Variants in EFCAB6 observed in about 807,000 individuals in gnomAD.
EFCAB6 encodes EF-hand calcium-binding domain-containing protein 6.
Under a neutral mutation model 169.8 loss-of-function variants are expected in EFCAB6, and 156 were observed. That is an observed-to-expected ratio of 0.92 (90% CI 0.81 to 1.05). The LOEUF (loss-of-function observed/expected upper bound fraction) is 1.05. Ranked by LOEUF, EFCAB6 falls within the 50% of genes least tolerant of loss-of-function variation. The pLI is 0.00. For synonymous variants in EFCAB6, 698 were observed against 676.4 expected (o/e 1.03, Z -0.50); for missense variants, 1,800 against 1,829.1 (o/e 0.98, Z 0.29).
intron 10 of EFCAB6, among the ~76,000 whole-genome samples, chr22:43,695,430 T>A (rs988194645): frequency 6.6e-6 from 1 of 152,086 alleles, no homozygotes; most frequent in South Asian, 2.1e-4. Flanking sequence ...TACTTTTTAA[T>A]GTATTTATAA....
At chr22:43,774,291 G>A (rs2061568280) in intron 3 of EFCAB6, among the ~76,000 whole-genome samples, 1 of 151,066 alleles carries the variant, frequency 6.6e-6, no homozygotes, top group African/African-American at 2.4e-5. Context: ...GGCAGGCTAG[G>A]ATTTCCTCAG....
chr22:43,791,036 CCA>C (rs2062267305), intron 2 of EFCAB6, among the ~76,000 whole-genome samples: 1 of 152,092 alleles, frequency 6.6e-6, no homozygotes, highest in African/African-American at 2.4e-5. Flanking sequence ...TGTTGGGTAT[CCA>C]AGTAGATATA....
intron 20 of EFCAB6, among the ~76,000 whole-genome samples, chr22:43,626,018 T>G (rs1299601891): frequency 6.6e-6 from 1 of 152,228 alleles, no homozygotes; most frequent in Non-Finnish European, 1.5e-5. Context: ...TGAACCCAGA[T>G]TAATACATAG....
intron 13 of EFCAB6, 23 bp downstream of exon 13, chr22:43,677,973 C>G: frequency 6.3e-7 from 1 of 1,592,804 alleles, no homozygotes; most frequent in East Asian, 2.2e-5. Context: ...GAAAACCAAA[C>G]AGGAAGTTGT....
chr22:43,768,031 A>C (rs1603350083), intron 4 of EFCAB6, among the ~76,000 whole-genome samples: 1 of 152,246 alleles, frequency 6.6e-6, no homozygotes, highest in Admixed American at 6.5e-5. Context: ...TGTGATAAGT[A>C]TCTTGCAAGA....
chr22:43,716,881 G>A lies in EFCAB6; in HGVS notation c.849C>T (p.Ser283=), dbSNP rs2059349571. ...ASSEDIWRNY[S]LDEIERNFCL... is the part of the protein sequence containing the mutation. Reference sequence around the variant, plus strand: ...AAAAGTTCCTCTCAATTTCATCCAAGGAGTAGTTTCTCCAGATATCTTCAG... The same window carrying A: ...AAAAGTTCCTCTCAATTTCATCCAAAGAGTAGTTTCTCCAGATATCTTCAG... The change falls in exon 9 of 32, where the codon TCC becomes TCT. Residue 283 remains serine (S), a synonymous_variant. Coordinates refer to ENST00000262726, the MANE Select transcript of EFCAB6 (RefSeq NM_022785.4). 2 of 1,603,502 alleles carry A rather than the reference G, an allele frequency of 1.2e-6. No individual in the cohort carries two copies. Among genetic ancestry groups the A allele is most frequent in the East Asian group, 2.2e-5 (1 of 44,468 alleles).
chr22:43,538,855 A>C (rs540579244), intron 28 of EFCAB6, among the ~76,000 whole-genome samples: 1 of 152,236 alleles, frequency 6.6e-6, no homozygotes, highest in African/African-American at 2.4e-5. Context: ...GCTTAAAACA[A>C]CACCAACTTA....
intron 25 of EFCAB6, 40 bp from the exon 26 acceptor site, chr22:43,576,528 C>G: frequency 6.8e-7 from 1 of 1,477,188 alleles, no homozygotes; most frequent in Non-Finnish European, 9.0e-7. Flanking sequence ...CAAATCCTGT[C>G]AAATGAATAC....
chr22:43,788,797 A>G (rs1375555880), intron 2 of EFCAB6, among the ~76,000 whole-genome samples: 3 of 152,260 alleles, frequency 2.0e-5, no homozygotes, highest in African/African-American at 7.2e-5. Context: ...TCATAGCAGC[A>G]TTATTCACAA....
At chr22:43,681,837 C>A (rs1174771408) in intron 12 of EFCAB6, among the ~76,000 whole-genome samples, 1 of 152,142 alleles carries the variant, frequency 6.6e-6, no homozygotes, top group Non-Finnish European at 1.5e-5. Flanking sequence ...AGGCAGGATG[C>A]AAATTCCTTC....
At chr22:43,726,378 C>T (rs2059739786) in intron 8 of EFCAB6, among the ~76,000 whole-genome samples, 1 of 150,112 alleles carries the variant, frequency 6.7e-6, no homozygotes, top group African/African-American at 2.4e-5. Flanking sequence ...TGGATTAGCT[C>T]ATACAACCCT....
Position 43,548,773 on chromosome 22 carries a change from T to C in EFCAB6, c.3648+6096A>G, listed in dbSNP as rs147557368. The stretch of plus-strand genomic sequence containing the variant: ...AAGAGACAAAAAGGACAACGAGTTT[T>C]TGAAGGGCATAAATAACAAGCTTTT... On this transcript the variant is annotated intron_variant, in intron 27 of 31. Coordinates refer to ENST00000262726, the MANE Select transcript of EFCAB6 (RefSeq NM_022785.4). Among the ~76,000 whole-genome samples the C allele has an allele frequency of 5.0e-3, 761 of 152,204 alleles. 1 individual carries two copies. Among genetic ancestry groups the C allele is most frequent in the African/African-American group, 0.018 (739 of 41,530 alleles).
At chr22:43,725,716 A>G (rs1569445413) in intron 8 of EFCAB6, among the ~76,000 whole-genome samples, 6 of 152,196 alleles carry the variant, frequency 3.9e-5, no homozygotes, top group Admixed American at 3.3e-4. Context: ...GGTGTCAGCA[A>G]TTCAGCCTTT....
intron 27 of EFCAB6, among the ~76,000 whole-genome samples, chr22:43,541,334 T>TA (rs1335066460): frequency 6.6e-6 from 1 of 151,812 alleles, no homozygotes; most frequent in Non-Finnish European, 1.5e-5. Flanking sequence ...GGTTGGGGGG[T>TA]GCAAAGGCAA....
At chr22:43,615,977 T>C in intron 20 of EFCAB6, 55 bp from the exon 21 acceptor site, 1 of 1,444,902 alleles carries the variant, frequency 6.9e-7, no homozygotes, top group Non-Finnish European at 9.5e-7. Flanking sequence ...GGCTCATTAA[T>C]CTCCCAAGGG....
chr22:43,531,148 C>T (rs929521734), intron 30 of EFCAB6, among the ~76,000 whole-genome samples, 184 bp from the exon 31 acceptor site: 1 of 152,224 alleles, frequency 6.6e-6, no homozygotes, highest in Non-Finnish European at 1.5e-5. Context: ...CACCCGCCCC[C>T]TGACCATTGT....
intron 17 of EFCAB6, among the ~76,000 whole-genome samples, chr22:43,657,130 A>AC (rs1366035264): frequency 6.6e-6 from 1 of 151,834 alleles, no homozygotes; most frequent in Admixed American, 6.6e-5. Context: ...TTTCTACAAA[A>AC]AAAACCCCAC....
Position 43,671,090 on chromosome 22 carries a change from T to C in EFCAB6, c.1640+883A>G, listed in dbSNP as rs552582349. Among the ~76,000 whole-genome samples the C allele has an allele frequency of 1.5e-3, 224 of 152,368 alleles. 3 individuals are homozygous for C. Among genetic ancestry groups the C allele is most frequent in the African/African-American group, 5.1e-3 (214 of 41,600 alleles). ...AGCCCAGCTGCACAGTCTCAGCTCCTGAGAGGTGAGAGGCTGGTGGAGGGC... is the reference window on the plus strand; with the variant it reads ...AGCCCAGCTGCACAGTCTCAGCTCCCGAGAGGTGAGAGGCTGGTGGAGGGC... On this transcript the variant is annotated intron_variant, in intron 15 of 31. Transcript: ENST00000262726.
intron 26 of EFCAB6, among the ~76,000 whole-genome samples, chr22:43,560,136 G>C (rs2048943365): frequency 6.6e-6 from 1 of 152,150 alleles, no homozygotes; most frequent in Admixed American, 6.5e-5. Context: ...TGGATATAAA[G>C]ACTCACTTTC....
Sources: allele counts gnomAD v4.1 joint callset (sites outside exome capture counted in the v4.1 genomes callset), GRCh38; gene constraint gnomAD v4.1.1; transcripts MANE v1.5; gene names NCBI Gene and HGNC (gene_info 2026-07-23, HGNC 2026-07-21).